CCDC50: variants seen among roughly 807,000 people sequenced by gnomAD.
CCDC50 encodes coiled-coil domain-containing protein 50.
Under a neutral mutation model 70.2 loss-of-function variants are expected in CCDC50, and 54 were observed. That is an observed-to-expected ratio of 0.77 (90% CI 0.62 to 0.96). The LOEUF (loss-of-function observed/expected upper bound fraction) is 0.96, where lower values mean the gene tolerates loss of function less well. Among genes scored for constraint, CCDC50 ranks in the 50% least tolerant of loss-of-function variants. CCDC50 has a pLI of 0.00. For missense variants in CCDC50, 558 were observed against 578.7 expected, an observed-to-expected ratio of 0.96 and a Z score of 0.37; for synonymous variants, 216 against 198.8, an observed-to-expected ratio of 1.09 and a Z score of -0.73.
At position 191,380,203 on chromosome 3, in the gene CCDC50, C is replaced by A; in HGVS notation, c.1021C>A (p.Arg341=). 6.2e-7 allele frequency: 1 copy of A among 1,611,042 alleles called. No homozygotes were observed. Among genetic ancestry groups the A allele is most frequent in the Non-Finnish European group, 8.5e-7 (1 of 1,178,486 alleles). ...GAAAGAAGCTGTATCTACTCCATCA[C>A]GAATGGCCCACAGGGATCAGGAATG... ...VMKEAVSTPS[R]MAHRDQEWYD... is the part of the protein sequence containing the mutation. The change falls in exon 7 of 12, where the codon CGA becomes AGA. Residue 341 remains arginine, a synonymous_variant. Coordinates refer to ENST00000392455, the MANE Select transcript of CCDC50 (RefSeq NM_178335.3).
chr3:191,329,820 T>G, intron 1 of CCDC50, 97 bp downstream of exon 1: 4 of 1,293,126 alleles, frequency 3.1e-6, no homozygotes, highest in East Asian at 2.7e-5. Flanking sequence ...CCCGCGGCCC[T>G]CGCCCGGTGC....
At chr3:191,341,638 T>G (rs1711735648) in intron 1 of CCDC50, among the ~76,000 whole-genome samples, 2 of 152,212 alleles carry the variant, frequency 1.3e-5, no homozygotes, top group South Asian at 4.1e-4. Flanking sequence ...GTGCTAGCTG[T>G]TTTCAGCCTT....
chr3:191,373,625 A>G (rs1712990615), intron 5 of CCDC50, among the ~76,000 whole-genome samples: 1 of 152,124 alleles, frequency 6.6e-6, no homozygotes, highest in Non-Finnish European at 1.5e-5. Context: ...TCATGTTGTC[A>G]CGATAGTCTT....
At chr3:191,371,657 C>G (rs539887187) in intron 5 of CCDC50, among the ~76,000 whole-genome samples, 1 of 152,216 alleles carries the variant, frequency 6.6e-6, no homozygotes, top group African/African-American at 2.4e-5. Context: ...ATTTTTTGCT[C>G]TAAATTTACC....
chr3:191,360,048 C>G (rs114210382), intron 3 of CCDC50, among the ~76,000 whole-genome samples: 1,636 of 152,274 alleles, frequency 0.011, 27 homozygotes, highest in African/African-American at 0.037. Context: ...GAAGGGAAGT[C>G]TTTCAGTTCA....
intron 1 of CCDC50, among the ~76,000 whole-genome samples, chr3:191,330,823 A>G (rs1472696722): frequency 6.6e-6 from 1 of 152,172 alleles, no homozygotes; most frequent in Non-Finnish European, 1.5e-5. Context: ...GCTTTCTCAG[A>G]GTTTCAAGCA....
At position 191,329,400 on chromosome 3, in the gene CCDC50, G is replaced by T; in HGVS notation, c.-275G>T. On this transcript the variant is annotated 5_prime_UTR_variant, in exon 1 of 12. Coordinates refer to ENST00000392455, the MANE Select transcript of CCDC50 (RefSeq NM_178335.3). ...TACTGGACGGCCCCGGTCCATTTCC[G>T]GGCTCCGGATATTTGGTATCGATTG... The T allele has an allele frequency of 2.5e-6, 1 of 406,772 alleles. No individual in the cohort carries two copies. The highest frequency in any genetic ancestry group is 4.4e-5 in the East Asian group (1 of 22,656). 25.2% of individuals were successfully genotyped at this position (406,772 alleles called of 1,614,324 possible).
rs192827735 is a variant in CCDC50, at chr3:191,350,082, G to A, written c.50-7006G>A. ...TTTGTTGGGTAGTCTTATTCAAGCCGTTTTATTTCTCTTGAGCCTTAGTTT... is the reference window on the plus strand; with the variant it reads ...TTTGTTGGGTAGTCTTATTCAAGCCATTTTATTTCTCTTGAGCCTTAGTTT... On this transcript the variant is annotated intron_variant, in intron 1 of 11. Coordinates refer to ENST00000392455, the MANE Select transcript of CCDC50 (RefSeq NM_178335.3). Among the ~76,000 whole-genome samples, 7 of 136,420 alleles carry A rather than the reference G, an allele frequency of 5.1e-5. 1 individual carries two copies. The East Asian group carries it at 7.9e-4, about 15-fold the overall frequency. The allele number at this position is 136,420 out of a possible 152,430, so 89.5% of individuals were successfully genotyped here.
intron 10 of CCDC50, among the ~76,000 whole-genome samples, chr3:191,384,710 G>GT (rs35277025): frequency 0.43 from 64,966 of 151,668 alleles, 15,402 homozygotes; most frequent in Non-Finnish European, 0.53. Context: ...ACATGTGTAG[G>GT]TTTTTTTTAC....
intron 9 of CCDC50, among the ~76,000 whole-genome samples, chr3:191,382,132 A>T (rs1395972511): frequency 6.6e-6 from 1 of 152,114 alleles, no homozygotes; most frequent in African/African-American, 2.4e-5. Flanking sequence ...TTGCTACCTT[A>T]ACTAGGAAAG....
At chr3:191,389,441 G>A in intron 10 of CCDC50, 55 bp from the exon 11 acceptor site, 1 of 1,379,518 alleles carries the variant, frequency 7.2e-7, no homozygotes. Flanking sequence ...TAAGAGGGGT[G>A]GAGTTGTAGT....
intron 10 of CCDC50, among the ~76,000 whole-genome samples, chr3:191,387,551 A>G (rs951134037): frequency 3.3e-5 from 5 of 151,852 alleles, no homozygotes; most frequent in East Asian, 3.9e-4. Context: ...ACAGAACAGT[A>G]CCCTTAAGAG....
Position 191,358,034 on chromosome 3 carries a change from G to A in CCDC50, c.149G>A (p.Arg50His), listed in dbSNP as rs764264173. 8 of 1,613,948 alleles carry A rather than the reference G, an allele frequency of 5.0e-6. No individual in the cohort carries two copies. The highest frequency in any genetic ancestry group is 1.7e-4 in the Middle Eastern group (1 of 6,060). ...TTGGCATCGAACGTTCAGCGGAACC[G>A]TTTGGTCCAGCATGATCTCCAGGTG... Reference protein sequence around the residue: ...HHLASNVQRNRLVQHDLQVAK... With the variant: ...HHLASNVQRNHLVQHDLQVAK... The change falls in exon 3 of 12, where the codon CGT becomes CAT. Residue 50 changes from arginine to histidine, a missense_variant. Transcript: ENST00000392455.
At chr3:191,352,492 A>G (rs1576955281) in intron 1 of CCDC50, among the ~76,000 whole-genome samples, 1 of 142,238 alleles carries the variant, frequency 7.0e-6, no homozygotes, top group African/African-American at 2.5e-5. Flanking sequence ...TGCGCTTTGG[A>G]CAAACTATGT....
At chr3:191,338,698 G>C (rs536998022) in intron 1 of CCDC50, among the ~76,000 whole-genome samples, 1 of 152,258 alleles carries the variant, frequency 6.6e-6, no homozygotes, top group East Asian at 1.9e-4. Context: ...AAGCTCCATA[G>C]AGCTAATCTT....
intron 1 of CCDC50, among the ~76,000 whole-genome samples, chr3:191,330,117 A>AT (rs1717916197): frequency 6.6e-6 from 1 of 152,028 alleles, no homozygotes; most frequent in South Asian, 2.1e-4. Flanking sequence ...AGGGGTTGAC[A>AT]TTCAGTTCCG....
At chr3:191,382,171 CGTGTCAGAA>C (rs1560170945) in intron 9 of CCDC50, among the ~76,000 whole-genome samples, 2 of 152,076 alleles carry the variant, frequency 1.3e-5, no homozygotes. Flanking sequence ...AGGAATCAAG[CGTGTCAGAA>C]GGCAATGGCC....
At chr3:191,340,543 C>T (rs758146374) in intron 1 of CCDC50, among the ~76,000 whole-genome samples, 2 of 152,170 alleles carry the variant, frequency 1.3e-5, no homozygotes, top group Non-Finnish European at 2.9e-5. Flanking sequence ...CCTTCATACC[C>T]TTCTTGATGG....
intron 5 of CCDC50, among the ~76,000 whole-genome samples, chr3:191,371,140 A>G (rs1260133221): frequency 1.3e-5 from 2 of 152,100 alleles, no homozygotes; most frequent in Non-Finnish European, 2.9e-5. Flanking sequence ...TAAGATTTCC[A>G]TGTTCATTTT....
Sources: gnomAD v4.1 joint callset for allele counts (sites outside exome capture counted in the v4.1 genomes callset) on GRCh38, gnomAD v4.1.1 for gene constraint, MANE v1.5 for transcripts, NCBI Gene and HGNC (gene_info 2026-07-23, HGNC 2026-07-21) for gene names.